NDE1: variants seen among roughly 807,000 people sequenced by gnomAD.
NDE1 encodes nudE neurodevelopment protein 1, also known as nuclear distribution protein nudE homolog 1.
NDE1 carries 28 observed loss-of-function variants against 43.4 expected under a neutral mutation model. The observed-to-expected ratio is 0.65, with a 90% CI of 0.48 to 0.89. The LOEUF (loss-of-function observed/expected upper bound fraction) is 0.89. Among genes scored for constraint, NDE1 ranks in the 40% least tolerant of loss-of-function variants. The pLI, the probability that NDE1 is intolerant of heterozygous loss-of-function variation, is 0.00. For synonymous variants in NDE1, 184 were observed against 172.0 expected (o/e 1.07, Z -0.55); for missense variants, 441 against 434.1 (o/e 1.02, Z -0.14).
chr16:15,679,069 T>C (rs2038038286), intron 4 of NDE1, among the ~76,000 whole-genome samples: 2 of 151,918 alleles, frequency 1.3e-5, no homozygotes, highest in Admixed American at 1.3e-4. Context: ...AGAGCTAGAC[T>C]CTGTCTCAAA....
chr16:15,643,955 G>A (rs927543449), intron 1 of NDE1: 7 of 152,226 alleles, frequency 4.6e-5, no homozygotes, highest in African/African-American at 1.7e-4. Flanking sequence ...TGTGTTTTAG[G>A]TGGCCAGATA....
chr16:15,710,884 G>T (rs2039750722), intron 8 of NDE1, among the ~76,000 whole-genome samples: 1 of 151,992 alleles, frequency 6.6e-6, no homozygotes, highest in Admixed American at 6.6e-5. Flanking sequence ...CACCATGTTG[G>T]CCAGGCTGGT....
At chr16:15,659,425 C>CTTTTTTT (rs35091023) in intron 1 of NDE1, among the ~76,000 whole-genome samples, 5 of 58,908 alleles carry the variant, frequency 8.5e-5, no homozygotes, top group Admixed American at 5.4e-4. Flanking sequence ...TGCACACAAT[C>CTTTTTTT]TTTTTTTTTT....
At chr16:15,682,566 C>T (rs2038236782) in intron 4 of NDE1, among the ~76,000 whole-genome samples, 1 of 152,070 alleles carries the variant, frequency 6.6e-6, no homozygotes, top group African/African-American at 2.4e-5. Context: ...ATAAGAATAA[C>T]CTTGAAAAGT....
At position 15,718,475 on chromosome 16, in the gene NDE1, T is replaced by TC. The variant is rs774173089; in HGVS notation, c.948-5711dup. 2.0e-6 allele frequency: 3 copies of TC among 1,536,064 alleles called. No homozygotes were observed. The African/African-American group carries it at 4.1e-5, about 21-fold the overall frequency. ...GCGGCCATGGTGGGGGCCTCTACCC[T>TC]CCCCCGCCTTAAAAGATGCCCCCTC... On this transcript the variant is annotated intron_variant, in intron 8 of 8. Transcript: ENST00000396354.
chr16:15,687,096 A>G, intron 4 of NDE1: 1 of 1,306,760 alleles, frequency 7.7e-7, no homozygotes, highest in Non-Finnish European at 9.8e-7. Context: ...TGCAGTCCTG[A>G]TAGGGCTTTG....
intron 5 of NDE1, among the ~76,000 whole-genome samples, chr16:15,690,684 G>A (rs576458847): frequency 6.6e-6 from 1 of 152,110 alleles, no homozygotes; most frequent in African/African-American, 2.4e-5. Context: ...GCAAGGTCCT[G>A]TGGGTTTCCC....
intron 1 of NDE1, among the ~76,000 whole-genome samples, chr16:15,661,687 A>C (rs896652746): frequency 8.6e-5 from 13 of 151,208 alleles, no homozygotes; most frequent in Non-Finnish European, 1.8e-4. Flanking sequence ...CAAGCATTCC[A>C]CCTGCTTTGG....
Position 15,665,078 on chromosome 16 carries a change from A to T in NDE1, c.83+217A>T, listed in dbSNP as rs996656947. Among the ~76,000 whole-genome samples the T allele has an allele frequency of 3.2e-4, 48 of 151,544 alleles. 1 individual carries two copies. Among genetic ancestry groups the T allele is most frequent in the Non-Finnish European group, 5.0e-4 (34 of 67,896 alleles). On this transcript the variant is annotated intron_variant, in intron 2 of 8. Transcript: ENST00000396354. ...GCCAGGCTTTTTTTTTTTTGGCGGA[A>T]ACAGGGGTCTCGCTATGTTGCCCAG...
chr16:15,719,602 G>C (rs1338185802), intron 8 of NDE1: 1 of 1,614,068 alleles, frequency 6.2e-7, no homozygotes, highest in African/African-American at 1.3e-5. Flanking sequence ...AGCTGCATGA[G>C]GTCTGCTTCC....
chr16:15,716,912 A>G (rs1216705578), intron 8 of NDE1, among the ~76,000 whole-genome samples: 5 of 152,190 alleles, frequency 3.3e-5, no homozygotes, highest in Non-Finnish European at 7.3e-5. Flanking sequence ...AGGACCATGG[A>G]GATGCTAAGA....
intron 5 of NDE1, among the ~76,000 whole-genome samples, chr16:15,688,689 CTT>C (rs1194565114): frequency 7.3e-3 from 436 of 59,914 alleles, no homozygotes; most frequent in African/African-American, 0.029. Context: ...TTGTTTTTAC[CTT>C]TTTTTTTTTT....
chr16:15,702,940 C>G (rs1290000480), intron 8 of NDE1, among the ~76,000 whole-genome samples: 1 of 152,110 alleles, frequency 6.6e-6, no homozygotes, highest in East Asian at 1.9e-4. Flanking sequence ...TAGACAGTCT[C>G]ACTTTGCATC....
chr16:15,671,659 A>C (rs1473798984), intron 3 of NDE1, among the ~76,000 whole-genome samples: 1 of 152,138 alleles, frequency 6.6e-6, no homozygotes, highest in East Asian at 1.9e-4. Context: ...CCTGCTACAC[A>C]CAATGAGCAA....
chr16:15,717,515 C>T (rs888791646), intron 8 of NDE1: 2 of 697,842 alleles, frequency 2.9e-6, no homozygotes, highest in South Asian at 3.7e-5. Flanking sequence ...TTCTTCCAGG[C>T]CGGGCGTGGT....
At chr16:15,700,423 C>G (rs1044676524) in intron 8 of NDE1, 1 of 148,804 alleles carries the variant, frequency 6.7e-6, no homozygotes, top group South Asian at 2.1e-4. Context: ...CTAACCCAAG[C>G]GGAGGTCCTG....
At chr16:15,677,070 G>T (rs1000873458) in intron 3 of NDE1, among the ~76,000 whole-genome samples, 19 of 152,144 alleles carry the variant, frequency 1.2e-4, no homozygotes, top group African/African-American at 4.3e-4. Context: ...TGCTCAGGGG[G>T]CAGAGGCACT....
In NDE1 at chr16:15,705,053, C is replaced by T. The variant is rs561492585; in HGVS notation, c.947+8193C>T. Among the ~76,000 whole-genome samples, 4 of 152,322 alleles carry T rather than the reference C, an allele frequency of 2.6e-5. No homozygotes were observed. In the East Asian group the frequency reaches 7.7e-4, roughly 29 times the overall value. On this transcript the variant is annotated intron_variant, in intron 8 of 8. Transcript: ENST00000396354. Reference sequence around the variant, plus strand: ...GGAGTGCAGTGGCATGATCTTGGCTCACTGCAACCTCTGCCTCCTGAGTTC... The same window carrying T: ...GGAGTGCAGTGGCATGATCTTGGCTTACTGCAACCTCTGCCTCCTGAGTTC...
At chr16:15,705,683 G>C (rs776914690) in intron 8 of NDE1, among the ~76,000 whole-genome samples, 5 of 152,078 alleles carry the variant, frequency 3.3e-5, no homozygotes, top group Non-Finnish European at 5.9e-5. Context: ...CAATTCTTTA[G>C]TCAAAAGGAA....
Sources: gnomAD v4.1 joint callset for allele counts (sites outside exome capture counted in the v4.1 genomes callset) on GRCh38, gnomAD v4.1.1 for gene constraint, MANE v1.5 for transcripts, NCBI Gene and HGNC (gene_info 2026-07-23, HGNC 2026-07-21) for gene names.